The following SYNE2 variants were observed in gnomAD, a reference collection of about 807,000 sequenced individuals.
SYNE2 encodes nesprin-2.
In SYNE2, 431 loss-of-function variants were observed where a neutral mutation model predicts 856.3. That is an observed-to-expected ratio of 0.50 (90% CI 0.47 to 0.55). SYNE2 has a LOEUF of 0.55. Among genes scored for constraint, SYNE2 ranks in the 20% least tolerant of loss-of-function variants. The pLI is 0.00. For synonymous variants in SYNE2, 2,923 were observed against 2,872.3 expected (o/e 1.02, Z -0.56); for missense variants, 8,129 against 8,023.2 (o/e 1.01, Z -0.50).
intron 1 of SYNE2, among the ~76,000 whole-genome samples, chr14:63,904,146 T>A (rs1381675934): frequency 1.3e-5 from 2 of 152,326 alleles, no homozygotes; most frequent in South Asian, 2.1e-4. Context: ...CTGCAAAGGC[T>A]ATGATTTTAT....
intron 1 of SYNE2, among the ~76,000 whole-genome samples, chr14:63,884,873 C>T (rs2094946985): frequency 1.3e-5 from 2 of 152,010 alleles, no homozygotes; most frequent in Admixed American, 1.3e-4. Flanking sequence ...ATCTCCTGAC[C>T]TTGTGATCCG....
At chr14:64,013,637 A>G (rs1594862134) in intron 32 of SYNE2, among the ~76,000 whole-genome samples, 1 of 152,284 alleles carries the variant, frequency 6.6e-6, no homozygotes, top group East Asian at 1.9e-4. Flanking sequence ...ACCTGTGTGG[A>G]CAAACATTTA....
Position 63,992,936 on chromosome 14 carries a change from C to T in SYNE2, c.2647-899C>T, listed in dbSNP as rs139856814. On this transcript the variant is annotated intron_variant, in intron 21 of 115. Transcript: ENST00000555002. ...GAATTCCCACCCTGCTTAGCTTCTC[C>T]CGGAGTTATTCATCTTCTCTCTCCT... 7.7e-3 allele frequency among the ~76,000 whole-genome samples: 1,172 copies of T among 152,264 alleles called. 5 individuals carry two copies. Among genetic ancestry groups the T allele is most frequent in the Non-Finnish European group, 0.011 (775 of 68,018 alleles).
intron 53 of SYNE2, 67 bp from the exon 54 acceptor site, chr14:64,075,878 T>C: frequency 1.3e-6 from 2 of 1,576,404 alleles, no homozygotes; most frequent in Non-Finnish European, 1.7e-6. Flanking sequence ...GGAAGGCTGC[T>C]TTCACTTTTT....
At chr14:64,084,511 T>C (rs1384801400) in intron 57 of SYNE2, 1 of 161,912 alleles carries the variant, frequency 6.2e-6, no homozygotes, top group Non-Finnish European at 1.4e-5. Flanking sequence ...TATGTAGTCT[T>C]ACGTGGCTCA....
intron 31 of SYNE2, among the ~76,000 whole-genome samples, chr14:64,008,199 G>A (rs1301792021): frequency 6.6e-6 from 1 of 152,112 alleles, no homozygotes; most frequent in Non-Finnish European, 1.5e-5. Flanking sequence ...ACCTCTCCCT[G>A]CCTCCCTCTC....
intron 1 of SYNE2, among the ~76,000 whole-genome samples, chr14:63,810,304 T>C (rs1888569024): frequency 6.6e-6 from 1 of 151,898 alleles, no homozygotes; most frequent in African/African-American, 2.4e-5. Context: ...TTAAATTGCA[T>C]GGAAGCATGT....
At chr14:63,806,567 G>A (rs1175637177) in intron 1 of SYNE2, among the ~76,000 whole-genome samples, 1 of 152,038 alleles carries the variant, frequency 6.6e-6, no homozygotes, top group African/African-American at 2.4e-5. Context: ...TTCTTTGTTG[G>A]TTTGTTAAGG....
intron 64 of SYNE2, among the ~76,000 whole-genome samples, chr14:64,102,867 T>C (rs527639772): frequency 7.2e-5 from 11 of 152,142 alleles, no homozygotes; most frequent in South Asian, 4.1e-4. Flanking sequence ...GCAGTCCATA[T>C]TTTTTAGATT....
chr14:64,129,802 G>A lies in SYNE2; in HGVS notation c.14040G>A (p.Val4680=). ...EQLQKADAYT[V]ELENAESRVA... is the part of the protein sequence containing the mutation. ...CTTAGAAAGCAGATGCATATACAGT[G>A]GAGCTGGAGAACGCCGAGAGCCGAG... Residue 4680 remains valine (V), a synonymous_variant, in exon 75 of 116, where the codon GTG becomes GTA. Transcript: ENST00000555002. 1 of 1,614,138 alleles carries A rather than the reference G, an allele frequency of 6.2e-7. No individual in the cohort carries two copies.
intron 76 of SYNE2, among the ~76,000 whole-genome samples, chr14:64,130,814 G>T (rs1249038964): frequency 6.6e-6 from 1 of 151,850 alleles, no homozygotes; most frequent in Non-Finnish European, 1.5e-5. Flanking sequence ...AAACTCAGGA[G>T]GCGGAGGTTG....
chr14:64,157,906 G>T (rs1168032884), intron 85 of SYNE2, among the ~76,000 whole-genome samples: 1 of 152,054 alleles, frequency 6.6e-6, no homozygotes, highest in Non-Finnish European at 1.5e-5. Context: ...CACTTCCTTT[G>T]CCCAGTTTTT....
chr14:64,107,474 G>A lies in SYNE2; in HGVS notation c.12493-17G>A, dbSNP rs374988406. 2.7e-5 allele frequency: 44 copies of A among 1,606,936 alleles called. No homozygotes were observed. Among genetic ancestry groups the A allele is most frequent in the Non-Finnish European group, 3.6e-5 (42 of 1,173,650 alleles). On this transcript the variant is annotated splice_polypyrimidine_tract_variant and intron_variant, in intron 64 of 115. Transcript: ENST00000555002. ...AGGGCAGGACCCTTTCTGGAGCTCT[G>A]ATTCTTTTCTTTACAGGAAGCATAT...
At position 63,881,785 on chromosome 14, in the gene SYNE2, C is replaced by G. The variant is rs78557726; in HGVS notation, c.-51-27313C>G. 1.1e-3 allele frequency among the ~76,000 whole-genome samples: 171 copies of G among 152,148 alleles called. 2 individuals carry two copies. The South Asian group carries it at 0.016, about 15-fold the overall frequency. On this transcript the variant is annotated intron_variant, in intron 1 of 115. Transcript: ENST00000555002. Reference sequence around the variant, plus strand: ...CGAAGAAACACAAGCTTTGCATAGCCTTAGTACTATGGCATTGCAGAAACC... The same window carrying G: ...CGAAGAAACACAAGCTTTGCATAGCGTTAGTACTATGGCATTGCAGAAACC...
chr14:64,060,115 G>A (rs1595215434), intron 49 of SYNE2, among the ~76,000 whole-genome samples: 1 of 151,444 alleles, frequency 6.6e-6, no homozygotes, highest in East Asian at 2.0e-4. Context: ...ATACCTAGAC[G>A]CCAAGAGCTC....
chr14:63,798,196 C>T (rs533582614), intron 1 of SYNE2, among the ~76,000 whole-genome samples: 6 of 152,098 alleles, frequency 3.9e-5, no homozygotes, highest in South Asian at 2.1e-4. Flanking sequence ...CACACCACCA[C>T]GCTCAGCTGT....
At chr14:64,015,378 T>G (rs1171636071) in intron 32 of SYNE2, among the ~76,000 whole-genome samples, 2 of 152,076 alleles carry the variant, frequency 1.3e-5, no homozygotes, top group Non-Finnish European at 2.9e-5. Flanking sequence ...TTAGTATTAA[T>G]AGGGCAATTC....
chr14:64,094,244 G>A (rs1049261019), intron 61 of SYNE2, among the ~76,000 whole-genome samples: 1 of 152,060 alleles, frequency 6.6e-6, no homozygotes. Flanking sequence ...TGAGGCAGGA[G>A]AATGGAGTGA....
chr14:64,069,257 C>A (rs2097383405), intron 51 of SYNE2, among the ~76,000 whole-genome samples: 1 of 149,716 alleles, frequency 6.7e-6, no homozygotes, highest in Non-Finnish European at 1.5e-5. Flanking sequence ...TCTTTATTTG[C>A]ATGCTAGTTT....
Sources: gnomAD v4.1 joint callset for allele counts (sites outside exome capture counted in the v4.1 genomes callset) on GRCh38, gnomAD v4.1.1 for gene constraint, MANE v1.5 for transcripts, NCBI Gene and HGNC (gene_info 2026-07-23, HGNC 2026-07-21) for gene names.